Variants in DAB1 observed in about 807,000 individuals in gnomAD.
The protein encoded by DAB1 is disabled homolog 1.
In DAB1, 15 loss-of-function variants were observed where a neutral mutation model predicts 64.6. The ratio of observed to expected loss-of-function variants is 0.23; its 90% CI spans 0.16 to 0.36. DAB1 has a LOEUF of 0.36. Among genes scored for constraint, DAB1 ranks in the 10% least tolerant of loss-of-function variants. The pLI is 1.00. For synonymous variants in DAB1, 235 were observed against 251.9 expected, an observed-to-expected ratio of 0.93 and a Z score of 0.64; for missense variants, 596 against 706.7, an observed-to-expected ratio of 0.84 and a Z score of 1.78.
At chr1:58,382,938 T>C (rs1255819719) in intron 3 of DAB1, among the ~76,000 whole-genome samples, 2 of 152,206 alleles carry the variant, frequency 1.3e-5, no homozygotes, top group Non-Finnish European at 2.9e-5. Context: ...TCTTCATCTA[T>C]AAAATGAGGT....
At chr1:57,894,508 C>A (rs573057449) in intron 5 of DAB1, among the ~76,000 whole-genome samples, 12 of 152,250 alleles carry the variant, frequency 7.9e-5, no homozygotes, top group South Asian at 6.2e-4. Flanking sequence ...GAAGGATTCA[C>A]AAAGGTAAAC....
chr1:57,374,861 G>A (rs868420423), intron 1 of DAB1, among the ~76,000 whole-genome samples: 18 of 152,246 alleles, frequency 1.2e-4, no homozygotes, highest in Non-Finnish European at 2.4e-4. Context: ...TGTTTGGTCC[G>A]GGAGTGTAGC....
At chr1:57,685,605 A>G (rs1281832867) in intron 6 of DAB1, among the ~76,000 whole-genome samples, 1 of 152,172 alleles carries the variant, frequency 6.6e-6, no homozygotes, top group Non-Finnish European at 1.5e-5. Flanking sequence ...CAAAGAATAT[A>G]CATTCTTCTC....
chr1:57,687,616 A>AAAAAAAAAAAAAAAC (rs1646716238), intron 6 of DAB1, among the ~76,000 whole-genome samples: 1 of 148,738 alleles, frequency 6.7e-6, no homozygotes, highest in Non-Finnish European at 1.5e-5. Context: ...AAAAAAAAAA[A>AAAAAAAAAAAAAAAC]AAAGAAAAAA....
intron 7 of DAB1, among the ~76,000 whole-genome samples, chr1:57,470,430 T>C (rs182339656): frequency 1.3e-5 from 2 of 152,330 alleles, no homozygotes; most frequent in African/African-American, 4.8e-5. Context: ...AATCCTACAA[T>C]TTAAAGTGTT....
chr1:58,495,598 C>G (rs1645786247), intron 3 of DAB1, among the ~76,000 whole-genome samples: 2 of 151,826 alleles, frequency 1.3e-5, no homozygotes, highest in South Asian at 2.1e-4. Context: ...TATATTTTAT[C>G]TAATTCCTGA....
chr1:57,651,026 A>G (rs1323747508), intron 6 of DAB1, among the ~76,000 whole-genome samples: 2 of 152,180 alleles, frequency 1.3e-5, no homozygotes, highest in African/African-American at 2.4e-5. Context: ...ACCTGACAAA[A>G]ATTATATTAA....
At chr1:58,486,168 T>C (rs886884438) in intron 3 of DAB1, among the ~76,000 whole-genome samples, 3 of 152,214 alleles carry the variant, frequency 2.0e-5, no homozygotes, top group African/African-American at 7.2e-5. Flanking sequence ...TTAAAATGTC[T>C]ATGCCAAAGA....
chr1:57,312,302 A>G (rs1445395519), intron 1 of DAB1, among the ~76,000 whole-genome samples: 1 of 151,902 alleles, frequency 6.6e-6, no homozygotes, highest in Non-Finnish European at 1.5e-5. Flanking sequence ...ATTTTATCTA[A>G]GCAGATGCCG....
intron 4 of DAB1, among the ~76,000 whole-genome samples, chr1:58,293,357 G>A (rs187907048): frequency 2.0e-5 from 3 of 152,182 alleles, no homozygotes; most frequent in Admixed American, 2.0e-4. Context: ...CCCATGTATT[G>A]TGCATTTTGT....
At chr1:57,572,876 G>A (rs143848936) in intron 7 of DAB1, among the ~76,000 whole-genome samples, 7 of 152,212 alleles carry the variant, frequency 4.6e-5, no homozygotes, top group South Asian at 2.1e-4. Flanking sequence ...GAGACAGAGT[G>A]AAGGGAAAGG....
chr1:58,377,667 C>T (rs1644342273), intron 3 of DAB1, among the ~76,000 whole-genome samples: 1 of 139,872 alleles, frequency 7.1e-6, no homozygotes, highest in African/African-American at 2.7e-5. Flanking sequence ...CTTGGAGTTG[C>T]TCTTCTCGAA....
intron 1 of DAB1, chr1:57,387,322 T>C (rs4912244): frequency 0.42 from 63,232 of 152,022 alleles, 13,721 homozygotes; most frequent in African/African-American, 0.49. Context: ...AGAAGGTTAA[T>C]GTCAACATTA....
intron 12 of DAB1, 127 bp from the exon 13 acceptor site, chr1:57,011,399 G>C: frequency 9.1e-7 from 1 of 1,095,792 alleles, no homozygotes; most frequent in Non-Finnish European, 1.3e-6. Flanking sequence ...ATTTCCAGTG[G>C]AATCAGTTGA....
chr1:57,625,443 T>G (rs2101621385), intron 7 of DAB1, among the ~76,000 whole-genome samples: 1 of 152,272 alleles, frequency 6.6e-6, no homozygotes, highest in African/African-American at 2.4e-5. Flanking sequence ...ATGGCTCCAT[T>G]TCTGCCCTTG....
chr1:57,116,977 A>G (rs914466284), intron 4 of DAB1, among the ~76,000 whole-genome samples: 6 of 152,168 alleles, frequency 3.9e-5, no homozygotes, highest in African/African-American at 1.2e-4. Context: ...CTCTGCAAAC[A>G]TTGTCCAGCA....
At chr1:57,631,352 G>A (rs11207076) in intron 7 of DAB1, among the ~76,000 whole-genome samples, 73,147 of 152,114 alleles carry the variant, frequency 0.48, 18,562 homozygotes, top group East Asian at 0.69. Flanking sequence ...TCAGCAGCAA[G>A]TAAAGCTTGC....
chr1:57,995,753 G>T (rs1218839487), intron 5 of DAB1, among the ~76,000 whole-genome samples: 1 of 151,778 alleles, frequency 6.6e-6, no homozygotes, highest in Non-Finnish European at 1.5e-5. Context: ...TGAAAACTTT[G>T]AAAGTTTAAA....
At chr1:58,244,540 C>T (rs1660447958) in intron 4 of DAB1, among the ~76,000 whole-genome samples, 1 of 152,142 alleles carries the variant, frequency 6.6e-6, no homozygotes, top group Non-Finnish European at 1.5e-5. Context: ...AGTTCAAGCT[C>T]TATTATGTCA....
Sources: gnomAD v4.1 joint callset for allele counts (sites outside exome capture counted in the v4.1 genomes callset) on GRCh38, gnomAD v4.1.1 for gene constraint, MANE v1.5 for transcripts, NCBI Gene and HGNC (gene_info 2026-07-23, HGNC 2026-07-21) for gene names.